Variants in ADAMTS3 observed in about 807,000 individuals in gnomAD.
ADAMTS3 encodes the protein ADAM metallopeptidase with thrombospondin type 1 motif 3.
A neutral mutation model predicts 129.0 loss-of-function variants in ADAMTS3; 73 were observed. The observed-to-expected ratio is 0.57, with a 90% confidence interval of 0.47 to 0.69. The LOEUF is 0.69. Ranked by LOEUF, ADAMTS3 falls within the 30% of genes least tolerant of loss-of-function variation. ADAMTS3 has a pLI of 0.00. For synonymous variants in ADAMTS3, 477 were observed against 510.8 expected, an observed-to-expected ratio of 0.93 and a Z score of 0.89; for missense variants, 1,457 against 1,514.5, an observed-to-expected ratio of 0.96 and a Z score of 0.63.
chr4:72,529,811 ATAT>A (rs1318960017), intron 3 of ADAMTS3, among the ~76,000 whole-genome samples: 29 of 93,942 alleles, frequency 3.1e-4, no homozygotes, highest in African/African-American at 1.3e-3. Flanking sequence ...TATATATTAT[ATAT>A]AATAATACAT....
intron 5 of ADAMTS3, among the ~76,000 whole-genome samples, chr4:72,338,684 C>A (rs924373528): frequency 6.6e-6 from 1 of 151,890 alleles, no homozygotes; most frequent in Non-Finnish European, 1.5e-5. Context: ...GGAAATAAAA[C>A]AGCATAGGCT....
chr4:72,459,423 T>A (rs768445037), intron 3 of ADAMTS3, among the ~76,000 whole-genome samples: 5 of 151,576 alleles, frequency 3.3e-5, no homozygotes, highest in Non-Finnish European at 7.4e-5. Flanking sequence ...TCCTTAGCAA[T>A]AAACGCAAAT....
At chr4:72,481,751 T>A (rs1719442070) in intron 3 of ADAMTS3, among the ~76,000 whole-genome samples, 1 of 151,958 alleles carries the variant, frequency 6.6e-6, no homozygotes, top group African/African-American at 2.4e-5. Flanking sequence ...AGTCAAAAAG[T>A]GGTAGAAAAT....
At chr4:72,533,882 A>G (rs973927429) in intron 3 of ADAMTS3, among the ~76,000 whole-genome samples, 2 of 152,224 alleles carry the variant, frequency 1.3e-5, no homozygotes, top group African/African-American at 4.8e-5. Flanking sequence ...ATATCTCAGC[A>G]TTTGAAATAG....
intron 3 of ADAMTS3, among the ~76,000 whole-genome samples, chr4:72,479,328 A>G (rs187992289): frequency 1.2e-4 from 19 of 152,332 alleles, no homozygotes; most frequent in Non-Finnish European, 2.6e-4. Flanking sequence ...ACAGCATGGT[A>G]CTGGTACCAA....
At chr4:72,384,843 T>G (rs1721393844) in intron 4 of ADAMTS3, among the ~76,000 whole-genome samples, 1 of 152,148 alleles carries the variant, frequency 6.6e-6, no homozygotes, top group Admixed American at 6.5e-5. Flanking sequence ...TTATAACATA[T>G]GTACAGATAA....
At chr4:72,325,386 G>A (rs1445709311) in intron 5 of ADAMTS3, among the ~76,000 whole-genome samples, 1 of 152,026 alleles carries the variant, frequency 6.6e-6, no homozygotes, top group African/African-American at 2.4e-5. Context: ...TTCATTATCT[G>A]ATAACATATT....
At chr4:72,396,056 AC>A (rs1721716979) in intron 4 of ADAMTS3, among the ~76,000 whole-genome samples, 1 of 152,202 alleles carries the variant, frequency 6.6e-6, no homozygotes, top group Non-Finnish European at 1.5e-5. Flanking sequence ...GGTACTGCTT[AC>A]CAACTGGATA....
At chr4:72,416,413 A>T (rs1351772773) in intron 3 of ADAMTS3, among the ~76,000 whole-genome samples, 1 of 151,932 alleles carries the variant, frequency 6.6e-6, no homozygotes, top group Non-Finnish European at 1.5e-5. Context: ...GTGCACATAC[A>T]AACAGCCCTG....
intron 4 of ADAMTS3, among the ~76,000 whole-genome samples, chr4:72,406,086 C>T (rs542596283): frequency 6.6e-6 from 1 of 152,178 alleles, no homozygotes; most frequent in East Asian, 1.9e-4. Flanking sequence ...GAGAGGGCTG[C>T]TGAATCAGTG....
intron 3 of ADAMTS3, among the ~76,000 whole-genome samples, chr4:72,480,503 C>T (rs1719402115): frequency 6.6e-6 from 1 of 151,456 alleles, no homozygotes; most frequent in Admixed American, 6.6e-5. Context: ...AATGAGAACA[C>T]ATGGACACAG....
intron 5 of ADAMTS3, among the ~76,000 whole-genome samples, chr4:72,332,201 T>C (rs1719869311): frequency 6.6e-6 from 1 of 152,096 alleles, no homozygotes; most frequent in African/African-American, 2.4e-5. Flanking sequence ...TAAATCTGCA[T>C]TGCACTCACA....
chr4:72,303,679 C>T (rs1719010244), intron 17 of ADAMTS3, among the ~76,000 whole-genome samples: 1 of 151,846 alleles, frequency 6.6e-6, no homozygotes, highest in Admixed American at 6.6e-5. Context: ...AAGATGATAA[C>T]TGATTATTTA....
At chr4:72,479,639 G>A (rs975463575) in intron 3 of ADAMTS3, among the ~76,000 whole-genome samples, 8 of 152,250 alleles carry the variant, frequency 5.3e-5, no homozygotes, top group African/African-American at 1.9e-4. Flanking sequence ...CATGGGCAAG[G>A]ACTTCATGTC....
rs1338048898 is a variant in ADAMTS3 at position 72,281,501 on chromosome 4, G to A, written c.*1635C>T. ...CTCCTCTCATGTACATGTAATTCATGATGCACTTATCTCTTTCAAAAACTT... is the reference window on the plus strand; with the variant it reads ...CTCCTCTCATGTACATGTAATTCATAATGCACTTATCTCTTTCAAAAACTT... On this transcript the variant is annotated 3_prime_UTR_variant, in exon 22 of 22. Transcript: ENST00000286657. The A allele has an allele frequency of 6.6e-6, 1 of 152,214 alleles. No homozygotes were observed. The highest frequency in any genetic ancestry group is 1.5e-5 in the Non-Finnish European group (1 of 68,028). 9.4% of individuals were successfully genotyped at this position (152,214 alleles called of 1,614,324 possible).
intron 3 of ADAMTS3, among the ~76,000 whole-genome samples, chr4:72,480,390 T>C (rs1719398250): frequency 6.6e-6 from 1 of 152,148 alleles, no homozygotes; most frequent in African/African-American, 2.4e-5. Flanking sequence ...TTCATGTCCT[T>C]TGTAGGGACA....
intron 4 of ADAMTS3, among the ~76,000 whole-genome samples, chr4:72,363,996 T>C (rs1720798092): frequency 1.3e-5 from 2 of 152,116 alleles, no homozygotes; most frequent in African/African-American, 2.4e-5. Flanking sequence ...ATATATTACA[T>C]GAAAATGATG....
intron 3 of ADAMTS3, among the ~76,000 whole-genome samples, chr4:72,446,600 G>A (rs1718259866): frequency 6.6e-6 from 1 of 151,596 alleles, no homozygotes; most frequent in Non-Finnish European, 1.5e-5. Context: ...CACAGGGGAA[G>A]GCTATGATGA....
intron 4 of ADAMTS3, among the ~76,000 whole-genome samples, chr4:72,401,335 G>C (rs964226443): frequency 1.3e-5 from 2 of 151,880 alleles, no homozygotes; most frequent in African/African-American, 4.8e-5. Context: ...GGGAGGCTGA[G>C]GTGGGTGGAT....
Sources: allele counts gnomAD v4.1 joint callset (sites outside exome capture counted in the v4.1 genomes callset), GRCh38; gene constraint gnomAD v4.1.1; transcripts MANE v1.5; gene names NCBI Gene and HGNC (gene_info 2026-07-23, HGNC 2026-07-21).